USP37: variants seen among roughly 807,000 people sequenced by gnomAD.
The protein encoded by USP37 is ubiquitin carboxyl-terminal hydrolase 37.
USP37 carries 27 observed loss-of-function variants against 124.0 expected under a neutral mutation model. The ratio of observed to expected loss-of-function variants is 0.22; its 90% CI spans 0.16 to 0.30. The LOEUF (loss-of-function observed/expected upper bound fraction) is 0.30. USP37 is among the 10% of genes least tolerant of loss of function. The probability of loss-of-function intolerance (pLI) is 1.00; values close to 1 mark genes in which losing one functional copy is unlikely to be tolerated. For missense variants in USP37, 889 were observed against 1,140.4 expected, an observed-to-expected ratio of 0.78 and a Z score of 3.17; for synonymous variants, 365 against 388.0, an observed-to-expected ratio of 0.94 and a Z score of 0.70.
chr2:218,482,722 G>A (rs1691328610), intron 16 of USP37, among the ~76,000 whole-genome samples: 1 of 152,100 alleles, frequency 6.6e-6, no homozygotes, highest in Non-Finnish European at 1.5e-5. Context: ...TACTTTCTCT[G>A]TAGAAAGCTA....
chr2:218,565,446 C>A (rs1200737216), intron 1 of USP37, among the ~76,000 whole-genome samples: 1 of 152,064 alleles, frequency 6.6e-6, no homozygotes, highest in Non-Finnish European at 1.5e-5. Context: ...GGAAAGCTGA[C>A]CTAAAGTTTA....
chr2:218,541,241 A>C (rs1258123772), intron 8 of USP37, among the ~76,000 whole-genome samples: 1 of 152,130 alleles, frequency 6.6e-6, no homozygotes, highest in African/African-American at 2.4e-5. Context: ...AGAACAATTA[A>C]ACCTGAAGTT....
At chr2:218,464,106 C>G (rs1010919473) in intron 21 of USP37, among the ~76,000 whole-genome samples, 1 of 152,086 alleles carries the variant, frequency 6.6e-6, no homozygotes, top group Non-Finnish European at 1.5e-5. Flanking sequence ...ATCTGCCTGC[C>G]TCAGCCTCCC....
At chr2:218,486,378 T>TG (rs934487881) in intron 15 of USP37, 1 of 152,238 alleles carries the variant, frequency 6.6e-6, no homozygotes, top group Non-Finnish European at 1.5e-5. Flanking sequence ...TATTTATCTT[T>TG]GGGTAGAGCT....
intron 4 of USP37, 104 bp from the exon 5 acceptor site, chr2:218,553,828 C>G (rs1692797348): frequency 2.7e-6 from 3 of 1,118,208 alleles, no homozygotes; most frequent in Non-Finnish European, 3.6e-6. Context: ...TTACATTTAT[C>G]ACTCTTCCCC....
intron 2 of USP37, among the ~76,000 whole-genome samples, chr2:218,561,653 A>G (rs201250091): frequency 8.9e-4 from 13 of 14,554 alleles, no homozygotes; most frequent in South Asian, 3.6e-3. Flanking sequence ...TCTGTCTCAG[A>G]AAAAAAAAAA....
chr2:218,454,925 G>C lies in USP37; in HGVS notation c.*5C>G. ...GTGCATGCTGCCAACCCAGGAGTTT[G>C]TTCCTCACAAGGCCTGACGGGTAGT... On this transcript the variant is annotated 3_prime_UTR_variant, in exon 26 of 26. Transcript: ENST00000258399. 1 of 1,613,882 alleles carries C rather than the reference G, an allele frequency of 6.2e-7. No individual in the cohort carries two copies. The highest frequency in any genetic ancestry group is 8.5e-7 in the Non-Finnish European group (1 of 1,179,964).
At chr2:218,541,078 T>C (rs937360430) in intron 8 of USP37, among the ~76,000 whole-genome samples, 1 of 152,186 alleles carries the variant, frequency 6.6e-6, no homozygotes, top group Non-Finnish European at 1.5e-5. Context: ...AAAAAATATA[T>C]GGGTCCAGCA....
At chr2:218,487,945 A>G (rs1435354285) in intron 15 of USP37, among the ~76,000 whole-genome samples, 1 of 151,382 alleles carries the variant, frequency 6.6e-6, no homozygotes, top group African/African-American at 2.4e-5. Flanking sequence ...GGACTTTGGG[A>G]GGCCAAGGTG....
chr2:218,521,118 C>A (rs1024163118), intron 10 of USP37, among the ~76,000 whole-genome samples: 2 of 152,148 alleles, frequency 1.3e-5, no homozygotes, highest in Non-Finnish European at 2.9e-5. Flanking sequence ...ACTTTGCCTT[C>A]TGCCATGATT....
chr2:218,460,355 A>G (rs907650837), intron 22 of USP37, among the ~76,000 whole-genome samples: 1 of 152,064 alleles, frequency 6.6e-6, no homozygotes, highest in Admixed American at 6.6e-5. Context: ...AAAACATAAA[A>G]CGTAATATGA....
rs1473140296 is a variant in USP37 at position 218,452,723 on chromosome 2, G to A, written c.*2207C>T. On this transcript the variant is annotated 3_prime_UTR_variant, in exon 26 of 26. Coordinates refer to ENST00000258399, the MANE Select transcript of USP37 (RefSeq NM_020935.3). ...CAATTCAAATGAGGCTGCTTCATGA[G>A]GCAATCTAGACTTATGGCATTATTT... 1 of 152,172 alleles carries A rather than the reference G, an allele frequency of 6.6e-6. No individual in the cohort carries two copies. The highest frequency in any genetic ancestry group is 2.4e-5 in the African/African-American group (1 of 41,446). 9.4% of individuals were successfully genotyped at this position (152,172 alleles called of 1,614,324 possible).
intron 6 of USP37, among the ~76,000 whole-genome samples, chr2:218,548,244 C>T (rs1164588955): frequency 6.6e-6 from 1 of 151,928 alleles, no homozygotes; most frequent in Non-Finnish European, 1.5e-5. Context: ...CAATATTTTA[C>T]TTTTTGTTAT....
chr2:218,481,683 C>CTTT (rs71403043), intron 17 of USP37, among the ~76,000 whole-genome samples: 4 of 134,474 alleles, frequency 3.0e-5, no homozygotes, highest in Non-Finnish European at 4.9e-5. Flanking sequence ...CTTTTCTTTT[C>CTTT]TTTTTTTTTT....
At chr2:218,539,206 G>C (rs1044067061) in intron 8 of USP37, among the ~76,000 whole-genome samples, 3 of 151,994 alleles carry the variant, frequency 2.0e-5, no homozygotes, top group Non-Finnish European at 4.4e-5. Flanking sequence ...CCATCCACCT[G>C]ACTCTGCCTC....
rs768124017 is a variant in USP37 at position 218,451,985 on chromosome 2, G to A, written c.*2945C>T. ...CACACACATGTGAATATATCCCTAC[G>A]AAACAGTCTATCTTCTCATAGGCTT... On this transcript the variant is annotated 3_prime_UTR_variant, in exon 26 of 26. Coordinates refer to ENST00000258399, the MANE Select transcript of USP37 (RefSeq NM_020935.3). 5 of 152,498 alleles carry A rather than the reference G, an allele frequency of 3.3e-5. No homozygotes were observed. Among genetic ancestry groups the A allele is most frequent in the African/African-American group, 4.8e-5 (2 of 41,390 alleles). 9.4% of individuals were successfully genotyped at this position (152,498 alleles called of 1,614,324 possible).
At chr2:218,459,211 T>G (rs530262026) in intron 23 of USP37, among the ~76,000 whole-genome samples, 8 of 152,120 alleles carry the variant, frequency 5.3e-5, no homozygotes, top group Non-Finnish European at 1.2e-4. Flanking sequence ...AGGTAATTTT[T>G]TCCCCCCGAG....
At chr2:218,522,960 G>A (rs530026624) in intron 10 of USP37, among the ~76,000 whole-genome samples, 3 of 152,172 alleles carry the variant, frequency 2.0e-5, no homozygotes, top group Admixed American at 2.0e-4. Flanking sequence ...CCAACATGGT[G>A]AAACCCCCTT....
rs771475698 is a variant in USP37, at chr2:218,547,041, T to A, written c.480A>T (p.Arg160=). ...CTCTACCCGGATTACCAAGAACTTT[T>A]CGAAATGGAATATCATCTTTAGTTT... is the stretch of plus-strand genomic sequence containing the variant. ...SLETKDDIPF[R]KVLGNPGRGS... The change falls in exon 7 of 26, where the codon CGA becomes CGT. Residue 160 remains arginine, a synonymous_variant. Transcript: ENST00000258399. The A allele has an allele frequency of 6.2e-7, 1 of 1,611,578 alleles. No homozygotes were observed. Among genetic ancestry groups the A allele is most frequent in the Admixed American group, 1.7e-5 (1 of 59,120 alleles).
Sources: allele counts gnomAD v4.1 joint callset (sites outside exome capture counted in the v4.1 genomes callset), GRCh38; gene constraint gnomAD v4.1.1; transcripts MANE v1.5; gene names NCBI Gene and HGNC (gene_info 2026-07-23, HGNC 2026-07-21).